The following MYO3B variants were observed in gnomAD, a reference collection of about 807,000 sequenced individuals.
The protein encoded by MYO3B is myosin-IIIb.
Under a neutral mutation model 174.6 loss-of-function variants are expected in MYO3B, and 156 were observed. The ratio of observed to expected loss-of-function variants is 0.89; its 90% CI spans 0.78 to 1.02. MYO3B has a LOEUF of 1.02. Among genes scored for constraint, MYO3B ranks in the 50% least tolerant of loss-of-function variants. The pLI is 0.00. For synonymous variants in MYO3B, 563 were observed against 569.1 expected (o/e 0.99, Z 0.15); for missense variants, 1,632 against 1,639.4 (o/e 1.00, Z 0.08).
At chr2:170,402,822 G>A in intron 18 of MYO3B, 26 bp from the exon 19 acceptor site, 1 of 1,577,430 alleles carries the variant, frequency 6.3e-7, no homozygotes, top group Non-Finnish European at 8.7e-7. Context: ...CTCCCCTAAA[G>A]AGTTTTGTTC....
intron 18 of MYO3B, among the ~76,000 whole-genome samples, 163 bp from the exon 19 acceptor site, chr2:170,402,685 T>C (rs1049634218): frequency 6.6e-6 from 1 of 152,130 alleles, no homozygotes; most frequent in Non-Finnish European, 1.5e-5. Context: ...AACAAATAGT[T>C]TGAGACATAA....
intron 32 of MYO3B, among the ~76,000 whole-genome samples, chr2:170,635,962 G>A (rs1003922868): frequency 3.3e-5 from 5 of 152,184 alleles, no homozygotes; most frequent in Non-Finnish European, 7.3e-5. Flanking sequence ...TTTAAGTTGT[G>A]TCAAAAATCA....
At chr2:170,476,078 C>CA (rs1231832407) in intron 25 of MYO3B, among the ~76,000 whole-genome samples, 1 of 152,072 alleles carries the variant, frequency 6.6e-6, no homozygotes, top group South Asian at 2.1e-4. Flanking sequence ...CCCTGTCCCC[C>CA]CCCACAGGAC....
At chr2:170,337,589 T>C (rs547133028) in intron 8 of MYO3B, among the ~76,000 whole-genome samples, 3 of 152,290 alleles carry the variant, frequency 2.0e-5, no homozygotes, top group African/African-American at 7.2e-5. Context: ...CACAACGCAG[T>C]TGACTCTTAA....
chr2:170,620,915 G>C (rs1031034748), intron 32 of MYO3B, among the ~76,000 whole-genome samples: 1 of 152,002 alleles, frequency 6.6e-6, no homozygotes, highest in Non-Finnish European at 1.5e-5. Context: ...TTTAGTTGGA[G>C]TCTTGCTCTG....
chr2:170,389,327 A>G (rs950125048), intron 14 of MYO3B, among the ~76,000 whole-genome samples: 8 of 152,148 alleles, frequency 5.3e-5, no homozygotes, highest in Non-Finnish European at 5.9e-5. Context: ...TGGGCATGTA[A>G]TGGCAACCCT....
rs938045657 is a variant in MYO3B, at chr2:170,231,735, T to A, written c.604-4256T>A. 1.1e-4 allele frequency among the ~76,000 whole-genome samples: 17 copies of A among 152,326 alleles called. No homozygotes were observed. The South Asian group carries it at 1.7e-3, about 15-fold the overall frequency. ...ATTGGCAACAAAATCCCCTCAAAGT[T>A]CCAGCCATCCTGTTCACACCTCAGA... On this transcript the variant is annotated intron_variant, in intron 6 of 34. Transcript: ENST00000408978.
chr2:170,525,923 C>G (rs948570468), intron 30 of MYO3B, among the ~76,000 whole-genome samples: 3 of 152,150 alleles, frequency 2.0e-5, no homozygotes, highest in Admixed American at 2.0e-4. Context: ...AACAAATCCT[C>G]CAGCAAATTT....
chr2:170,588,454 G>T (rs1181724545), intron 32 of MYO3B, among the ~76,000 whole-genome samples: 2 of 152,030 alleles, frequency 1.3e-5, no homozygotes, highest in Admixed American at 6.6e-5. Context: ...AAGGGAGAGG[G>T]CACACAGTGC....
At chr2:170,282,278 G>A (rs2093517234) in intron 7 of MYO3B, among the ~76,000 whole-genome samples, 1 of 152,054 alleles carries the variant, frequency 6.6e-6, no homozygotes, top group Non-Finnish European at 1.5e-5. Flanking sequence ...TTTGATTTTT[G>A]TGTATGTTGA....
chr2:170,354,898 T>C (rs2094108263), intron 8 of MYO3B, among the ~76,000 whole-genome samples: 2 of 151,628 alleles, frequency 1.3e-5, no homozygotes, highest in African/African-American at 4.9e-5. Flanking sequence ...AAAAATATTT[T>C]ATCTTGCAAA....
At chr2:170,447,972 G>A (rs1489500017) in intron 23 of MYO3B, among the ~76,000 whole-genome samples, 3 of 152,116 alleles carry the variant, frequency 2.0e-5, no homozygotes, top group Admixed American at 6.5e-5. Flanking sequence ...CTGATCCATC[G>A]AGTCCAGGGT....
intron 23 of MYO3B, among the ~76,000 whole-genome samples, chr2:170,454,032 T>G (rs574059374): frequency 6.6e-6 from 1 of 152,332 alleles, no homozygotes; most frequent in South Asian, 2.1e-4. Flanking sequence ...TGCTGGACTT[T>G]GGTTAGCAGT....
intron 32 of MYO3B, among the ~76,000 whole-genome samples, chr2:170,544,373 A>G (rs971619851): frequency 6.6e-6 from 1 of 152,250 alleles, no homozygotes; most frequent in African/African-American, 2.4e-5. Context: ...TTTTGGCAAC[A>G]TGGCCATTCT....
intron 16 of MYO3B, among the ~76,000 whole-genome samples, chr2:170,398,533 A>C: frequency 6.6e-6 from 1 of 152,240 alleles, no homozygotes; most frequent in Middle Eastern, 3.4e-3. Flanking sequence ...GAACTCTCTA[A>C]TCACATGATT....
chr2:170,434,084 A>G (rs2094731763), intron 22 of MYO3B, among the ~76,000 whole-genome samples: 1 of 152,224 alleles, frequency 6.6e-6, no homozygotes, highest in Admixed American at 6.5e-5. Flanking sequence ...TTTTGTGGCT[A>G]TCTTAAGTTA....
At chr2:170,244,889 G>GA (rs1210878453) in intron 7 of MYO3B, among the ~76,000 whole-genome samples, 2 of 152,182 alleles carry the variant, frequency 1.3e-5, no homozygotes. Context: ...GGCTAAGATG[G>GA]AAAAACATAG....
In MYO3B at chr2:170,383,161, T is replaced by C; in HGVS notation, c.1157T>C (p.Phe386Ser). 1 of 1,610,910 alleles carries C rather than the reference T, an allele frequency of 6.2e-7. No individual in the cohort carries two copies. The highest frequency in any genetic ancestry group is 1.7e-4 in the Middle Eastern group (1 of 6,046). ...GACATCTTAATTGCCTTAAACCCCT[T>C]CCAGAATCTAAGCATATACTCTCCA... is the stretch of plus-strand genomic sequence containing the variant. ...VGDILIALNP[F>S]QNLSIYSPQF... The change falls in exon 11 of 35, where the codon TTC becomes TCC. Residue 386 changes from phenylalanine (F) to serine (S), a missense_variant. Physicochemically the swap from Phe to Ser is radical, Grantham distance 155. Coordinates refer to ENST00000408978, the MANE Select transcript of MYO3B (RefSeq NM_138995.5).
In MYO3B at chr2:170,471,051, CT is replaced by C. The variant is rs548051129; in HGVS notation, c.3014+4350del. Among the ~76,000 whole-genome samples, 25 of 145,902 alleles carry C rather than the reference CT, an allele frequency of 1.7e-4. 1 individual carries two copies. Among genetic ancestry groups the C allele is most frequent in the South Asian group, 4.4e-4 (2 of 4,582 alleles). On this transcript the variant is annotated intron_variant, in intron 25 of 34. Coordinates refer to ENST00000408978, the MANE Select transcript of MYO3B (RefSeq NM_138995.5). Reference sequence around the variant, plus strand: ...TTTCTCACTCTATGGGTTGTTTTCTCTTTTTTTTTTCTTCTTTGAGATGGAG... The same window carrying C: ...TTTCTCACTCTATGGGTTGTTTTCTCTTTTTTTTTCTTCTTTGAGATGGAG...
Sources: gnomAD v4.1 joint callset for allele counts (sites outside exome capture counted in the v4.1 genomes callset) on GRCh38, gnomAD v4.1.1 for gene constraint, MANE v1.5 for transcripts, NCBI Gene and HGNC (gene_info 2026-07-23, HGNC 2026-07-21) for gene names.